The following SAMD12 variants were observed in gnomAD, a reference collection of about 807,000 sequenced individuals.
SAMD12 encodes the protein sterile alpha motif domain-containing protein 12.
A neutral mutation model predicts 15.0 loss-of-function variants in SAMD12; 9 were observed. The observed-to-expected ratio is 0.60, with a 90% confidence interval of 0.36 to 1.05. SAMD12 has a LOEUF of 1.05. SAMD12 is among the 50% of genes least tolerant of loss of function. The probability of loss-of-function intolerance (pLI) is 0.01; values close to 1 mark genes in which losing one functional copy is unlikely to be tolerated. For synonymous variants in SAMD12, 86 were observed against 90.1 expected (o/e 0.96, Z 0.25); for missense variants, 230 against 234.2 (o/e 0.98, Z 0.12).
chr8:118,607,405 T>G (rs1241116185), intron 1 of SAMD12, among the ~76,000 whole-genome samples: 1 of 152,140 alleles, frequency 6.6e-6, no homozygotes, highest in East Asian at 1.9e-4. Flanking sequence ...CCAGCTAATT[T>G]TTGTATTTTT....
intron 4 of SAMD12, among the ~76,000 whole-genome samples, chr8:118,198,195 G>T (rs1406770096): frequency 6.6e-6 from 1 of 152,202 alleles, no homozygotes; most frequent in East Asian, 1.9e-4. Flanking sequence ...AAAAATATTG[G>T]AAGCGGAATG....
chr8:118,229,067 A>G (rs1812247887), intron 4 of SAMD12, among the ~76,000 whole-genome samples: 1 of 152,134 alleles, frequency 6.6e-6, no homozygotes, highest in African/African-American at 2.4e-5. Flanking sequence ...TCTCACTGAT[A>G]TGTGGGAGCT....
At chr8:118,545,129 A>T (rs1379831593) in intron 2 of SAMD12, among the ~76,000 whole-genome samples, 1 of 152,194 alleles carries the variant, frequency 6.6e-6, no homozygotes, top group South Asian at 2.1e-4. Flanking sequence ...GTGTGTGTGC[A>T]TGTATACACA....
chr8:118,515,185 A>ATTTTTTTTTTTT (rs55864364), intron 2 of SAMD12, among the ~76,000 whole-genome samples: 82 of 103,280 alleles, frequency 7.9e-4, no homozygotes, highest in African/African-American at 1.4e-3. Context: ...CGCCCAGCTA[A>ATTTTTTTTTTTT]TTTTTTTTTT....
chr8:118,211,688 T>C (rs913973811), intron 4 of SAMD12, among the ~76,000 whole-genome samples: 2 of 152,202 alleles, frequency 1.3e-5, no homozygotes, highest in East Asian at 3.8e-4. Flanking sequence ...GTAAGCTTTT[T>C]TTTTTCTTAA....
chr8:118,335,227 A>G (rs1030268888), intron 4 of SAMD12, among the ~76,000 whole-genome samples: 1 of 152,114 alleles, frequency 6.6e-6, no homozygotes, highest in African/African-American at 2.4e-5. Context: ...CTACTGTGCA[A>G]TGCTCCCAAT....
chr8:118,394,046 C>A (rs1820427190), intron 3 of SAMD12, among the ~76,000 whole-genome samples: 1 of 152,020 alleles, frequency 6.6e-6, no homozygotes, highest in Admixed American at 6.5e-5. Context: ...TTGAGGAAAC[C>A]AAGGCCATAA....
intron 2 of SAMD12, among the ~76,000 whole-genome samples, chr8:118,502,777 T>A (rs1187682860): frequency 6.6e-6 from 1 of 152,244 alleles, no homozygotes; most frequent in Non-Finnish European, 1.5e-5. Context: ...TTATGGCCTA[T>A]GCAGAGAACG....
At chr8:118,496,353 G>A (rs1824609528) in intron 2 of SAMD12, among the ~76,000 whole-genome samples, 1 of 152,148 alleles carries the variant, frequency 6.6e-6, no homozygotes, top group South Asian at 2.1e-4. Flanking sequence ...AAATAGCATG[G>A]TACTGGCATA....
chr8:118,339,636 C>G (rs924698735), intron 4 of SAMD12, among the ~76,000 whole-genome samples: 1 of 152,210 alleles, frequency 6.6e-6, no homozygotes, highest in Non-Finnish European at 1.5e-5. Flanking sequence ...TGGAATGATG[C>G]GGCAGTGATT....
At chr8:118,422,124 G>A (rs1271934502) in intron 3 of SAMD12, among the ~76,000 whole-genome samples, 1 of 152,140 alleles carries the variant, frequency 6.6e-6, no homozygotes, top group Non-Finnish European at 1.5e-5. Flanking sequence ...ATGAAGAAAG[G>A]CTTTTAGTTC....
chr8:118,323,524 G>T (rs1196037673), intron 4 of SAMD12, among the ~76,000 whole-genome samples: 1 of 152,114 alleles, frequency 6.6e-6, no homozygotes, highest in Non-Finnish European at 1.5e-5. Context: ...CACTTTGGGA[G>T]GCCGAGTTGG....
chr8:118,558,308 C>G lies in SAMD12; in HGVS notation c.192+22407G>C, dbSNP rs76096632. Among the ~76,000 whole-genome samples the G allele has an allele frequency of 7.2e-3, 1,100 of 152,144 alleles. 2 individuals are homozygous for G. Among genetic ancestry groups the G allele is most frequent in the Non-Finnish European group, 0.012 (837 of 67,986 alleles). On this transcript the variant is annotated intron_variant, in intron 2 of 3. Coordinates refer to ENST00000314727, the MANE Select transcript of SAMD12 (RefSeq NM_207506.3). ...TTTTCTTTATGTGGTCTACCTAGGTCTCAAATACTAAGGAAGTTAATACTT... is the reference window on the plus strand; with the variant it reads ...TTTTCTTTATGTGGTCTACCTAGGTGTCAAATACTAAGGAAGTTAATACTT...
chr8:118,370,117 G>A (rs1819005339), intron 4 of SAMD12, among the ~76,000 whole-genome samples: 2 of 152,068 alleles, frequency 1.3e-5, no homozygotes, highest in East Asian at 1.9e-4. Flanking sequence ...ATTAAAAAGT[G>A]GGCAAAGGAC....
chr8:118,621,542 T>G, intron 1 of SAMD12: 2 of 495,536 alleles, frequency 4.0e-6, no homozygotes, highest in Non-Finnish European at 7.2e-6. Flanking sequence ...CAGGATATCG[T>G]TTCGCATCAG....
chr8:118,505,450 G>A (rs766775245), intron 2 of SAMD12, among the ~76,000 whole-genome samples: 4 of 151,216 alleles, frequency 2.6e-5, no homozygotes, highest in Non-Finnish European at 5.9e-5. Context: ...AAGTGAAGTT[G>A]TTAGGTTGGC....
intron 4 of SAMD12, among the ~76,000 whole-genome samples, chr8:118,242,432 A>G (rs1291535487): frequency 1.3e-5 from 2 of 152,168 alleles, no homozygotes; most frequent in Non-Finnish European, 2.9e-5. Flanking sequence ...TTGGTACAGT[A>G]GGTACAGTAA....
At chr8:118,440,657 A>AACACACACACACACACACACACAC (rs34419362) in intron 2 of SAMD12, among the ~76,000 whole-genome samples, 1 of 142,130 alleles carries the variant, frequency 7.0e-6, no homozygotes, top group African/African-American at 2.7e-5. Context: ...TTATGAGGAA[A>AACACACACACACACACACACACAC]ACACACACAC....
At chr8:118,322,944 G>GT (rs1816361989) in intron 4 of SAMD12, among the ~76,000 whole-genome samples, 2 of 71,610 alleles carry the variant, frequency 2.8e-5, no homozygotes, top group Admixed American at 2.9e-4. Context: ...TCCTTCATAA[G>GT]ACAAGACTAT....
Sources: allele counts gnomAD v4.1 joint callset (sites outside exome capture counted in the v4.1 genomes callset), GRCh38; gene constraint gnomAD v4.1.1; transcripts MANE v1.5; gene names NCBI Gene and HGNC (gene_info 2026-07-23, HGNC 2026-07-21).